ZNF407: variants seen among roughly 807,000 people sequenced by gnomAD.
The protein encoded by ZNF407 is zinc finger protein 407.
In ZNF407, 17 loss-of-function variants were observed where a neutral mutation model predicts 131.2. The observed-to-expected ratio is 0.13, with a 90% CI of 0.09 to 0.19. The LOEUF (loss-of-function observed/expected upper bound fraction) is 0.19, where lower values mean the gene tolerates loss of function less well. ZNF407 is among the 10% of genes least tolerant of loss of function. The pLI, the probability that ZNF407 is intolerant of heterozygous loss-of-function variation, is 1.00. For missense variants in ZNF407, 2,681 were observed against 2,830.6 expected (o/e 0.95, Z 1.20); for synonymous variants, 1,156 against 1,062.0 (o/e 1.09, Z -1.72).
chr18:74,753,827 T>C (rs959404802), intron 3 of ZNF407, among the ~76,000 whole-genome samples: 1 of 152,198 alleles, frequency 6.6e-6, no homozygotes, highest in Non-Finnish European at 1.5e-5. Context: ...TTTTTTTTGT[T>C]GTGTCTCTGC....
intron 4 of ZNF407, among the ~76,000 whole-genome samples, chr18:74,782,901 C>G (rs1248941231): frequency 6.6e-6 from 1 of 152,146 alleles, no homozygotes; most frequent in Non-Finnish European, 1.5e-5. Context: ...CCGTGCCCGG[C>G]CTATTTCCCT....
At chr18:74,700,300 G>A (rs576555620) in intron 3 of ZNF407, among the ~76,000 whole-genome samples, 1 of 152,134 alleles carries the variant, frequency 6.6e-6, no homozygotes, top group Non-Finnish European at 1.5e-5. Context: ...TCTAGATAAA[G>A]CCACCTAACT....
At chr18:74,992,431 G>A (rs1025040782) in intron 8 of ZNF407, among the ~76,000 whole-genome samples, 4 of 152,156 alleles carry the variant, frequency 2.6e-5, no homozygotes, top group African/African-American at 4.8e-5. Flanking sequence ...TAGAGAACTC[G>A]TTGTGGGTCC....
At chr18:74,606,587 A>G (rs926869560) in intron 1 of ZNF407, among the ~76,000 whole-genome samples, 1 of 152,048 alleles carries the variant, frequency 6.6e-6, no homozygotes, top group Non-Finnish European at 1.5e-5. Flanking sequence ...TACTTGTTTT[A>G]TTTCTTGTGA....
chr18:74,747,162 C>A (rs74911529), intron 3 of ZNF407, among the ~76,000 whole-genome samples: 2 of 12,566 alleles, frequency 1.6e-4, no homozygotes, highest in East Asian at 0.033. Flanking sequence ...GTTTTTTTTT[C>A]ATTTAATTAT....
At chr18:75,002,754 G>T (rs555924944) in intron 8 of ZNF407, among the ~76,000 whole-genome samples, 1 of 149,352 alleles carries the variant, frequency 6.7e-6, no homozygotes, top group Non-Finnish European at 1.5e-5. Context: ...GCAGCGAGCC[G>T]AGATCGCGCC....
chr18:74,701,163 G>A (rs1967484794), intron 3 of ZNF407, among the ~76,000 whole-genome samples: 1 of 152,118 alleles, frequency 6.6e-6, no homozygotes, highest in Non-Finnish European at 1.5e-5. Context: ...TGCAGATGGT[G>A]GTCTGGCTCC....
chr18:74,968,432 TTC>T (rs1972433734), intron 8 of ZNF407, among the ~76,000 whole-genome samples: 1 of 152,222 alleles, frequency 6.6e-6, no homozygotes, highest in South Asian at 2.1e-4. Context: ...CCAAGATTTA[TTC>T]TTTTGTCATT....
intron 1 of ZNF407, among the ~76,000 whole-genome samples, chr18:74,615,858 C>CTGT (rs748206562): frequency 6.6e-6 from 1 of 151,776 alleles, no homozygotes; most frequent in Non-Finnish European, 1.5e-5. Flanking sequence ...GGGGAAAGAA[C>CTGT]TGTTGTTGTT....
intron 1 of ZNF407, among the ~76,000 whole-genome samples, chr18:74,600,250 A>C (rs1175515230): frequency 2.0e-5 from 3 of 152,172 alleles, no homozygotes; most frequent in Non-Finnish European, 2.9e-5. Flanking sequence ...AAGGCTGGGG[A>C]ACTGGATTCA....
intron 5 of ZNF407, among the ~76,000 whole-genome samples, chr18:74,877,954 A>C (rs1277161554): frequency 6.6e-6 from 1 of 152,248 alleles, no homozygotes; most frequent in Non-Finnish European, 1.5e-5. Flanking sequence ...AAGTTATTAA[A>C]AATGTTCAAA....
intron 1 of ZNF407, among the ~76,000 whole-genome samples, chr18:74,630,426 C>T (rs1329678303): frequency 6.6e-6 from 1 of 152,118 alleles, no homozygotes; most frequent in African/African-American, 2.4e-5. Flanking sequence ...CTGCCTCGGC[C>T]TCCCAAAATC....
intron 8 of ZNF407, among the ~76,000 whole-genome samples, chr18:75,002,759 C>G (rs1380907702): frequency 6.7e-6 from 1 of 148,268 alleles, no homozygotes; most frequent in Admixed American, 6.8e-5. Context: ...GAGCCGAGAT[C>G]GCGCCACTGC....
At chr18:74,619,702 A>C (rs1397734211) in intron 1 of ZNF407, among the ~76,000 whole-genome samples, 1 of 152,200 alleles carries the variant, frequency 6.6e-6, no homozygotes, top group Admixed American at 6.5e-5. Flanking sequence ...TTTCAGTTTT[A>C]ATATTTCATG....
intron 3 of ZNF407, among the ~76,000 whole-genome samples, chr18:74,684,668 T>G (rs1421227331): frequency 6.6e-6 from 1 of 152,230 alleles, no homozygotes; most frequent in African/African-American, 2.4e-5. Context: ...ATGGACTTAG[T>G]TTAATCACAG....
At chr18:74,739,818 C>G (rs2144916655) in intron 3 of ZNF407, among the ~76,000 whole-genome samples, 1 of 152,198 alleles carries the variant, frequency 6.6e-6, no homozygotes, top group East Asian at 1.9e-4. Flanking sequence ...GTATGACATT[C>G]TGAGCACGGA....
chr18:74,949,749 C>G (rs184535198), intron 8 of ZNF407, among the ~76,000 whole-genome samples: 16 of 152,190 alleles, frequency 1.1e-4, no homozygotes, highest in Admixed American at 1.0e-3. Flanking sequence ...CAGTGGTATT[C>G]CCTGCTGCTG....
At chr18:74,863,549 C>G (rs561861102) in intron 4 of ZNF407, among the ~76,000 whole-genome samples, 23 of 152,128 alleles carry the variant, frequency 1.5e-4, no homozygotes, top group Non-Finnish European at 2.8e-4. Flanking sequence ...GTTATTTATA[C>G]ACCATAAGTC....
chr18:74,733,033 G>T (rs1968330388), intron 3 of ZNF407, among the ~76,000 whole-genome samples: 1 of 151,816 alleles, frequency 6.6e-6, no homozygotes, highest in South Asian at 2.1e-4. Context: ...ACATAGACAT[G>T]GTTTTATTCA....
Sources: allele counts gnomAD v4.1 joint callset (sites outside exome capture counted in the v4.1 genomes callset), GRCh38; gene constraint gnomAD v4.1.1; transcripts MANE v1.5; gene names NCBI Gene and HGNC (gene_info 2026-07-23, HGNC 2026-07-21).